Variants in UBXN2A observed in about 807,000 individuals in gnomAD.
The protein encoded by UBXN2A is UBX domain-containing protein 2A.
Under a neutral mutation model 28.4 loss-of-function variants are expected in UBXN2A, and 28 were observed. That is an observed-to-expected ratio of 0.99 (90% CI 0.73 to 1.35). UBXN2A has a LOEUF of 1.35. Ranked by LOEUF, UBXN2A falls within the 40% of genes most tolerant of loss-of-function variation. UBXN2A has a pLI of 0.00. For synonymous variants in UBXN2A, 97 were observed against 103.6 expected, an observed-to-expected ratio of 0.94 and a Z score of 0.39; for missense variants, 253 against 297.9, an observed-to-expected ratio of 0.85 and a Z score of 1.11.
At chr2:23,949,298 A>G (rs1706247831) in intron 1 of UBXN2A, among the ~76,000 whole-genome samples, 2 of 151,566 alleles carry the variant, frequency 1.3e-5, no homozygotes, top group Admixed American at 6.6e-5. Context: ...TTTGCCAGGC[A>G]TGGTGGCTCA....
chr2:23,951,412 G>GGA (rs1706352405), intron 1 of UBXN2A, among the ~76,000 whole-genome samples: 4 of 78,772 alleles, frequency 5.1e-5, no homozygotes, highest in Non-Finnish European at 7.4e-5. Flanking sequence ...ACAGTAAGAT[G>GGA]GATATATATA....
chr2:23,964,244 C>T (rs183678568), intron 2 of UBXN2A, among the ~76,000 whole-genome samples: 232 of 150,950 alleles, frequency 1.5e-3, no homozygotes, highest in Non-Finnish European at 2.3e-3. Context: ...GAGTTTCGCT[C>T]TTCTTGCCCA....
At chr2:23,978,566 C>T (rs926309436) in intron 4 of UBXN2A, among the ~76,000 whole-genome samples, 2 of 151,946 alleles carry the variant, frequency 1.3e-5, no homozygotes, top group Non-Finnish European at 2.9e-5. Context: ...ATGGCTTGAA[C>T]CTGGGAGGCG....
intron 2 of UBXN2A, among the ~76,000 whole-genome samples, chr2:23,959,155 G>A (rs149122581): frequency 1.0e-3 from 155 of 152,224 alleles, no homozygotes; most frequent in African/African-American, 3.6e-3. Flanking sequence ...TTTAACTCAG[G>A]TATTTATAGG....
intron 2 of UBXN2A, among the ~76,000 whole-genome samples, chr2:23,960,671 T>C (rs1269635660): frequency 1.3e-5 from 2 of 152,136 alleles, no homozygotes; most frequent in African/African-American, 4.8e-5. Context: ...CTCACTCTGT[T>C]GCCCAGGCTG....
intron 1 of UBXN2A, among the ~76,000 whole-genome samples, chr2:23,948,315 G>T (rs1328363527): frequency 6.8e-6 from 1 of 147,400 alleles, no homozygotes; most frequent in South Asian, 2.1e-4. Flanking sequence ...GTGCAGTGGC[G>T]TGATCTCGGC....
chr2:23,984,582 T>C (rs1035603969), intron 5 of UBXN2A, 91 bp from the exon 6 acceptor site: 6 of 1,108,994 alleles, frequency 5.4e-6, no homozygotes, highest in Non-Finnish European at 5.9e-6. Flanking sequence ...CTTAAAGTTA[T>C]ACTTGCTATA....
chr2:23,989,590 C>T (rs1708267208), intron 6 of UBXN2A, among the ~76,000 whole-genome samples: 1 of 151,710 alleles, frequency 6.6e-6, no homozygotes, highest in African/African-American at 2.4e-5. Flanking sequence ...ACCGTGAATC[C>T]ACGTAGATAC....
rs12616678 is a variant in UBXN2A, at chr2:23,958,289, G to T, written c.-14-12G>T. The T allele has an allele frequency of 0.18, 288,682 of 1,578,028 alleles. 27,541 individuals carry two copies. The highest frequency in any genetic ancestry group is 0.26 in the Middle Eastern group (1,513 of 5,856). ...TACTTTCTTTTTACTTACTTTCTTT[G>T]TACTTTTACAGTAAGGCGAAAGAGA... On this transcript the variant is annotated splice_polypyrimidine_tract_variant and intron_variant, in intron 1 of 6. Transcript: ENST00000309033.
At chr2:23,986,593 C>CT (rs1708142009) in intron 6 of UBXN2A, among the ~76,000 whole-genome samples, 1 of 150,306 alleles carries the variant, frequency 6.7e-6, no homozygotes, top group Non-Finnish European at 1.5e-5. Flanking sequence ...TTTTTCCAGT[C>CT]TTTTATCTCT....
chr2:23,960,550 C>T (rs1012415107), intron 2 of UBXN2A, among the ~76,000 whole-genome samples: 5 of 152,100 alleles, frequency 3.3e-5, no homozygotes, highest in East Asian at 1.9e-4. Context: ...TCAATTTTCG[C>T]GCATTTATAT....
chr2:23,991,984 G>GT (rs1247215412), intron 6 of UBXN2A, among the ~76,000 whole-genome samples: 2 of 151,576 alleles, frequency 1.3e-5, no homozygotes, highest in Non-Finnish European at 2.9e-5. Flanking sequence ...GTTTTGTTTT[G>GT]TTTTTTGAGA....
At chr2:23,964,084 A>G (rs962501796) in intron 2 of UBXN2A, among the ~76,000 whole-genome samples, 2 of 151,162 alleles carry the variant, frequency 1.3e-5, no homozygotes, top group Non-Finnish European at 2.9e-5. Context: ...GTGAACCATG[A>G]TCGTGTCACT....
At chr2:23,930,844 C>A (rs896430088) in intron 1 of UBXN2A, among the ~76,000 whole-genome samples, 3 of 151,832 alleles carry the variant, frequency 2.0e-5, no homozygotes, top group Non-Finnish European at 2.9e-5. Context: ...TGTAGTGAGA[C>A]CCCATCTCTA....
intron 6 of UBXN2A, 132 bp downstream of exon 6, chr2:23,984,963 A>G (rs1055394497): frequency 1.6e-5 from 15 of 933,114 alleles, no homozygotes; most frequent in Non-Finnish European, 2.1e-5. Context: ...GTGCAGTGGC[A>G]CAGTCATAGC....
At chr2:23,996,065 ATTTT>A (rs1019784685) in intron 6 of UBXN2A, among the ~76,000 whole-genome samples, 4 of 114,252 alleles carry the variant, frequency 3.5e-5, no homozygotes, top group African/African-American at 1.3e-4. Flanking sequence ...CGCCTGGCTA[ATTTT>A]TTTTTTTTTT....
chr2:23,952,139 G>A (rs999446203), intron 1 of UBXN2A, among the ~76,000 whole-genome samples: 6 of 151,614 alleles, frequency 4.0e-5, no homozygotes, highest in African/African-American at 1.2e-4. Context: ...CCTAATTTTT[G>A]TATTTTTAGT....
At chr2:23,951,774 G>C (rs138046505) in intron 1 of UBXN2A, among the ~76,000 whole-genome samples, 2,110 of 152,052 alleles carry the variant, frequency 0.014, 19 homozygotes, top group Non-Finnish European at 0.023. Context: ...TCTTAAAAAA[G>C]AAACAAATGA....
intron 6 of UBXN2A, among the ~76,000 whole-genome samples, chr2:23,995,242 T>C (rs970459682): frequency 6.6e-6 from 1 of 151,990 alleles, no homozygotes; most frequent in East Asian, 1.9e-4. Flanking sequence ...AATTCACTGC[T>C]ACAAATTGGA....
Sources: gnomAD v4.1 joint callset for allele counts (sites outside exome capture counted in the v4.1 genomes callset) on GRCh38, gnomAD v4.1.1 for gene constraint, MANE v1.5 for transcripts, NCBI Gene and HGNC (gene_info 2026-07-23, HGNC 2026-07-21) for gene names.